Variants in SDR42E2 observed in about 807,000 individuals in gnomAD.
SDR42E2 encodes the protein putative short-chain dehydrogenase/reductase family 42E member 2.
In SDR42E2, 20 loss-of-function variants were observed where a neutral mutation model predicts 10.5. That is an observed-to-expected ratio of 1.90 (90% confidence interval 1.34 to 2.77). The LOEUF is 2.77. Ranked by LOEUF, SDR42E2 falls within the 30% of genes most tolerant of loss-of-function variation. The pLI is 0.00. For synonymous variants in SDR42E2, 72 were observed against 39.2 expected (o/e 1.84, Z -3.12); for missense variants, 162 against 104.2 (o/e 1.55, Z -2.42).
intron 5 of SDR42E2, among the ~76,000 whole-genome samples, chr16:22,170,281 G>C (rs1174300799): frequency 6.6e-6 from 1 of 152,142 alleles, no homozygotes; most frequent in Non-Finnish European, 1.5e-5. Flanking sequence ...TTGAACCTGG[G>C]AGGGGGAAGT....
At chr16:22,166,534 T>C in intron 3 of SDR42E2, 100 bp downstream of exon 3, 1 of 402,938 alleles carries the variant, frequency 2.5e-6, no homozygotes, top group Non-Finnish European at 4.4e-6. Context: ...GGCACACTGT[T>C]TGAAGCCAGA....
intron 10 of SDR42E2, among the ~76,000 whole-genome samples, chr16:22,182,763 G>T (rs1485727519): frequency 6.6e-6 from 1 of 152,148 alleles, no homozygotes; most frequent in Admixed American, 6.5e-5. Context: ...ACTTTGGGAG[G>T]CTAACACGGG....
intron 7 of SDR42E2, among the ~76,000 whole-genome samples, chr16:22,173,434 A>C (rs1266032097): frequency 3.3e-5 from 5 of 151,834 alleles, no homozygotes; most frequent in African/African-American, 9.7e-5. Context: ...TGGTCAGGCT[A>C]GTCTAGAACT....
At chr16:22,188,489 G>A (rs2046750324) in intron 12 of SDR42E2, among the ~76,000 whole-genome samples, 1 of 152,136 alleles carries the variant, frequency 6.6e-6, no homozygotes, top group Non-Finnish European at 1.5e-5. Flanking sequence ...TAGAGAGGAG[G>A]AAATGAGACA....
At chr16:22,189,529 C>T (rs961977975) in intron 12 of SDR42E2, among the ~76,000 whole-genome samples, 1 of 152,212 alleles carries the variant, frequency 6.6e-6, no homozygotes, top group Non-Finnish European at 1.5e-5. Context: ...CTGCTGATAG[C>T]TATCATTACT....
chr16:22,170,787 A>ATG (rs780576390), intron 5 of SDR42E2, 46 bp from the exon 6 acceptor site: 4 of 701,290 alleles, frequency 5.7e-6, no homozygotes, highest in Middle Eastern at 2.3e-4. Context: ...GTGTCTTTGC[A>ATG]TGTGTGTGTG....
intron 7 of SDR42E2, among the ~76,000 whole-genome samples, chr16:22,175,115 T>C (rs2046633625): frequency 6.6e-6 from 1 of 152,138 alleles, no homozygotes; most frequent in South Asian, 2.1e-4. Context: ...GGTGTGTTAG[T>C]ATCCTGTGGC....
intron 4 of SDR42E2, 100 bp downstream of exon 4, chr16:22,167,099 A>G (rs899205106): frequency 4.7e-6 from 2 of 422,396 alleles, no homozygotes; most frequent in Non-Finnish European, 9.3e-6. Flanking sequence ...TTCACCTATT[A>G]TAGGAGGGAC....
In SDR42E2 at chr16:22,190,283, C is replaced by T. The variant is rs1426555929; in HGVS notation, c.1159C>T (p.Arg387Trp). 2 of 401,500 alleles carry T rather than the reference C, an allele frequency of 5.0e-6. No homozygotes were observed. Among genetic ancestry groups the T allele is most frequent in the Admixed American group, 4.4e-5 (1 of 22,724 alleles). 24.9% of individuals were successfully genotyped at this position (401,500 alleles called of 1,614,324 possible). ...TTRRPRGSTA[R>W]TLLRLLLRLL... ...CCGGCGGCCCCGCGGCTCCACGGCG[C>T]GGACCCTCCTGCGCCTGCTGCTCAG... The change falls in exon 13 of 13, where the codon CGG (arginine) becomes TGG (tryptophan). Residue 387 changes from arginine to tryptophan, a missense_variant. By Grantham distance (101) the Arg-to-Trp change is moderately radical. Transcript: ENST00000602312.
rs747836292 is a variant in SDR42E2, at chr16:22,186,777, C to T, written c.997C>T (p.Leu333=). Residue 333 remains leucine, a synonymous_variant, in exon 12 of 13, where the codon CTG becomes TTG. Transcript: ENST00000602312. ...ALRPICSLPP[L]LTRSEVRSVA... ...GAGACCCATCTGCAGCCTCCCACCG[C>T]TGCTCACTCGTAGTGAGGTAAGTGG... 1.3e-4 allele frequency: 53 copies of T among 400,394 alleles called. No homozygotes were observed. Among genetic ancestry groups the T allele is most frequent in the Non-Finnish European group, 2.0e-4 (46 of 226,082 alleles). The allele number at this position is 400,394 out of a possible 1,614,324, so 24.8% of individuals were successfully genotyped here.
Position 22,181,673 on chromosome 16 carries a change from GC to G in SDR42E2, c.810+22del, listed in dbSNP as rs2046696878. The G allele has an allele frequency of 1.4e-6, 1 of 701,908 alleles. No homozygotes were observed. Among genetic ancestry groups the G allele is most frequent in the Non-Finnish European group, 2.6e-6 (1 of 384,432 alleles). 43.5% of individuals were successfully genotyped at this position (701,908 alleles called of 1,614,324 possible). A position where few individuals can be genotyped will look rare whatever the true frequency, so the allele number is the denominator to read the frequency against. On this transcript the variant is annotated intron_variant, in intron 9 of 12. Transcript: ENST00000602312. ...TACGTGGCTGTGAGTCCCCTCTGAT[GC>G]CCCCAACCACCTTCCCCACAGGGCT...
At chr16:22,169,604 T>C in intron 5 of SDR42E2, 102 bp downstream of exon 5, 1 of 698,034 alleles carries the variant, frequency 1.4e-6, no homozygotes, top group South Asian at 1.5e-5. Flanking sequence ...AGGGAGGGCC[T>C]GTGGGCAGCG....
intron 5 of SDR42E2, 134 bp downstream of exon 5, chr16:22,169,636 C>T: frequency 1.5e-6 from 1 of 671,698 alleles, no homozygotes; most frequent in Non-Finnish European, 2.7e-6. Flanking sequence ...CACTGCAGAC[C>T]TCCCCAGGGC....
chr16:22,171,827 C>T (rs894722215), intron 6 of SDR42E2, among the ~76,000 whole-genome samples: 6 of 152,168 alleles, frequency 3.9e-5, no homozygotes, highest in Admixed American at 2.0e-4. Flanking sequence ...CCACTGCACC[C>T]GGACAAGCCT....
At chr16:22,164,908 C>T (rs1225300574) in intron 1 of SDR42E2, among the ~76,000 whole-genome samples, 1 of 152,188 alleles carries the variant, frequency 6.6e-6, no homozygotes, top group Non-Finnish European at 1.5e-5. Flanking sequence ...TCCTTTGGTA[C>T]TCCATGGAAA....
intron 7 of SDR42E2, among the ~76,000 whole-genome samples, chr16:22,177,862 G>A (rs2046657922): frequency 6.6e-6 from 1 of 150,722 alleles, no homozygotes; most frequent in South Asian, 2.1e-4. Context: ...GCAATGGGAG[G>A]GCAGGGACCA....
At chr16:22,180,589 G>A (rs1181679185) in intron 8 of SDR42E2, among the ~76,000 whole-genome samples, 1 of 152,092 alleles carries the variant, frequency 6.6e-6, no homozygotes, top group Non-Finnish European at 1.5e-5. Context: ...TATAGTCCCA[G>A]CTACTCGGGA....
At chr16:22,174,967 T>C (rs2142068955) in intron 7 of SDR42E2, among the ~76,000 whole-genome samples, 1 of 152,164 alleles carries the variant, frequency 6.6e-6, no homozygotes, top group South Asian at 2.1e-4. Flanking sequence ...TCATTTCCAC[T>C]CCCTACTATC....
At chr16:22,174,742 T>C (rs942807343) in intron 7 of SDR42E2, among the ~76,000 whole-genome samples, 7 of 152,164 alleles carry the variant, frequency 4.6e-5, no homozygotes, top group Non-Finnish European at 1.0e-4. Flanking sequence ...GAATTATTTA[T>C]ATGAGCATCT....
Sources: allele counts gnomAD v4.1 joint callset (sites outside exome capture counted in the v4.1 genomes callset), GRCh38; gene constraint gnomAD v4.1.1; transcripts MANE v1.5; gene names NCBI Gene and HGNC (gene_info 2026-07-23, HGNC 2026-07-21).